Variants in SGCE observed in about 807,000 individuals in gnomAD.
SGCE encodes the protein sarcoglycan epsilon, also known as epsilon-sarcoglycan.
SGCE carries 26 observed loss-of-function variants against 57.8 expected under a neutral mutation model. The observed-to-expected ratio is 0.45, with a 90% CI of 0.33 to 0.62. SGCE has a LOEUF of 0.62. Among genes scored for constraint, SGCE ranks in the 20% least tolerant of loss-of-function variants. The probability of loss-of-function intolerance (pLI) is 0.02; values close to 1 mark genes in which losing one functional copy is unlikely to be tolerated. For missense variants in SGCE, 468 were observed against 548.6 expected, an observed-to-expected ratio of 0.85 and a Z score of 1.47; for synonymous variants, 183 against 189.5, an observed-to-expected ratio of 0.97 and a Z score of 0.28.
intron 5 of SGCE, among the ~76,000 whole-genome samples, chr7:94,608,383 G>C (rs1004184943): frequency 6.6e-6 from 1 of 152,130 alleles, no homozygotes; most frequent in Non-Finnish European, 1.5e-5. Flanking sequence ...TACAAGATCT[G>C]TATGAGGAAG....
intron 9 of SGCE, among the ~76,000 whole-genome samples, chr7:94,592,031 T>C (rs1342750082): frequency 1.3e-5 from 2 of 152,190 alleles, no homozygotes; most frequent in African/African-American, 2.4e-5. Flanking sequence ...AAAAAAATAC[T>C]GAGATTCAAC....
chr7:94,616,803 T>C (rs1353977924), intron 5 of SGCE: 1 of 152,224 alleles, frequency 6.6e-6, no homozygotes, highest in Non-Finnish European at 1.5e-5. Context: ...AGTGTTTGTA[T>C]ACAGACACAC....
chr7:94,629,713 A>G lies in SGCE; in HGVS notation c.232+6T>C. 6.2e-7 allele frequency: 1 copy of G among 1,610,870 alleles called. No homozygotes were observed. Among genetic ancestry groups the G allele is most frequent in the Non-Finnish European group, 8.5e-7 (1 of 1,177,566 alleles). On this transcript the variant is annotated splice_donor_region_variant and intron_variant, in intron 2 of 10. Transcript: ENST00000648936. ...AACTGCTTTTTTTTCCTCACAAAGA[A>G]CATACCAGGTTTTGGGTAAGGTGGA...
In SGCE at chr7:94,588,696, C is replaced by T. The variant is rs370115639; in HGVS notation, c.1290G>A (p.Gln430=). The change falls in exon 10 of 11, where the codon CAG becomes CAA. Residue 430 remains glutamine (Q), a synonymous_variant. Coordinates refer to ENST00000648936, the MANE Select transcript of SGCE (RefSeq NM_003919.3). The part of the protein sequence containing the change: ...LPHQTQIPQQ[Q]TTGKWYP ...ATTATTCTTAGCACTCACCTGTAGTCTGCTGTTGGGGAATCTGAGTCTGAT... is the reference window on the plus strand; with the variant it reads ...ATTATTCTTAGCACTCACCTGTAGTTTGCTGTTGGGGAATCTGAGTCTGAT... The T allele has an allele frequency of 6.2e-7, 1 of 1,600,604 alleles. No individual in the cohort carries two copies. Among genetic ancestry groups the T allele is most frequent in the African/African-American group, 1.3e-5 (1 of 74,618 alleles).
At chr7:94,642,470 C>T (rs1312741589) in intron 1 of SGCE, among the ~76,000 whole-genome samples, 1 of 152,098 alleles carries the variant, frequency 6.6e-6, no homozygotes, top group African/African-American at 2.4e-5. Context: ...AATACATATT[C>T]ACATGTACCC....
chr7:94,601,555 G>A lies in SGCE; in HGVS notation c.826-698C>T, dbSNP rs181592801. The stretch of plus-strand genomic sequence containing the variant: ...CTGAGTTGCATTTAATTATGCTAAG[G>A]TTTTTATTGAAGGACACTAAAAATA... On this transcript the variant is annotated intron_variant, in intron 6 of 10. Coordinates refer to ENST00000648936, the MANE Select transcript of SGCE (RefSeq NM_003919.3). Among the ~76,000 whole-genome samples, 22 of 148,954 alleles carry A rather than the reference G, an allele frequency of 1.5e-4. No individual in the cohort carries two copies. In the East Asian group the frequency reaches 4.1e-3, roughly 27 times the overall value.
chr7:94,585,499 T>G lies in SGCE; in HGVS notation c.1314A>C (p.Ter438CysextTer6), dbSNP rs1339034409. 3 of 1,606,352 alleles carry G rather than the reference T, an allele frequency of 1.9e-6. No individual in the cohort carries two copies. The South Asian group carries it at 3.3e-5, about 18-fold the overall frequency. The change falls in exon 11 of 11, where the codon TGA becomes TGC. Residue 438 changes from the stop codon to cysteine (C), a stop_lost. Transcript: ENST00000648936. ...CATTGCTTCAGTCAGTTTTCTTTCTTCAGGGATACCATTTACCTGCAATGT... is the reference window on the plus strand; with the variant it reads ...CATTGCTTCAGTCAGTTTTCTTTCTGCAGGGATACCATTTACCTGCAATGT... Reference protein sequence around the residue: ...QQQTTGKWYP* With the variant: ...QQQTTGKWYPC
intron 1 of SGCE, among the ~76,000 whole-genome samples, chr7:94,646,876 T>C (rs993939905): frequency 6.6e-6 from 1 of 152,222 alleles, no homozygotes; most frequent in Non-Finnish European, 1.5e-5. Context: ...CATTGTACTA[T>C]ACTTTCCAAT....
intron 9 of SGCE, among the ~76,000 whole-genome samples, chr7:94,595,242 A>T (rs1584504510): frequency 6.6e-6 from 1 of 152,194 alleles, no homozygotes; most frequent in East Asian, 1.9e-4. Flanking sequence ...GCAGCCATTC[A>T]TTACATAACA....
Position 94,598,885 on chromosome 7 carries a change from T to C in SGCE, c.1143A>G (p.Ala381=), listed in dbSNP as rs1272859756. The change falls in exon 9 of 11, where the codon GCA becomes GCG. Residue 381 remains alanine (A), a synonymous_variant. Transcript: ENST00000648936. ...LRDMSKNREI[A]WPLSTLPVFH... The stretch of plus-strand genomic sequence containing the variant: ...ACACAGGAAGCGTTGACAGGGGCCA[T>C]GCTATCTCTCTATTCTTGGACATGT... The C allele has an allele frequency of 1.2e-6, 2 of 1,613,586 alleles. No individual in the cohort carries two copies. The highest frequency in any genetic ancestry group is 1.7e-6 in the Non-Finnish European group (2 of 1,179,514).
At chr7:94,639,393 T>G (rs768630572) in intron 1 of SGCE, 6 of 1,535,790 alleles carry the variant, frequency 3.9e-6, no homozygotes, top group Non-Finnish European at 5.2e-6. Flanking sequence ...TGTTGGCCTG[T>G]CTGGTCTTCC....
intron 1 of SGCE, among the ~76,000 whole-genome samples, chr7:94,651,945 T>A (rs75475206): frequency 6.6e-6 from 1 of 152,120 alleles, no homozygotes; most frequent in Admixed American, 6.5e-5. Flanking sequence ...TTATTTTTTT[T>A]TTTTGTTTCT....
chr7:94,652,183 A>G (rs754204605), intron 1 of SGCE, among the ~76,000 whole-genome samples: 5 of 152,190 alleles, frequency 3.3e-5, no homozygotes, highest in Non-Finnish European at 7.3e-5. Context: ...TCTCCCCTCC[A>G]GCCCAAGAAT....
chr7:94,614,292 G>A (rs775290596), intron 5 of SGCE, among the ~76,000 whole-genome samples: 1 of 151,742 alleles, frequency 6.6e-6, no homozygotes, highest in Non-Finnish European at 1.5e-5. Context: ...ATGCTATTGG[G>A]TCCCCTAAAA....
intron 6 of SGCE, among the ~76,000 whole-genome samples, chr7:94,601,464 A>AAAAC (rs1799241135): frequency 9.1e-6 from 1 of 109,708 alleles, no homozygotes; most frequent in African/African-American, 2.8e-5. Flanking sequence ...AAAAAAAAAA[A>AAAAC]AAAAAAAAAA....
At chr7:94,610,603 T>C (rs1268335398) in intron 5 of SGCE, among the ~76,000 whole-genome samples, 1 of 152,156 alleles carries the variant, frequency 6.6e-6, no homozygotes, top group East Asian at 1.9e-4. Context: ...TAGGCAATGA[T>C]TCTTAAAATA....
At chr7:94,588,484 C>A in intron 10 of SGCE, 1 of 1,392,360 alleles carries the variant, frequency 7.2e-7, no homozygotes, top group African/African-American at 1.5e-5. Context: ...GCTCTAAGAT[C>A]ATTTACCCTG....
At chr7:94,615,383 TAGATAG>T (rs1801747190) in intron 5 of SGCE, among the ~76,000 whole-genome samples, 3 of 145,430 alleles carry the variant, frequency 2.1e-5, no homozygotes, top group African/African-American at 7.8e-5. Context: ...GATAGATAGA[TAGATAG>T]ATAGATAGAT....
Position 94,614,504 on chromosome 7 carries a change from T to C in SGCE, c.662+4254A>G, listed in dbSNP as rs79363799. Among the ~76,000 whole-genome samples, 42 of 152,314 alleles carry C rather than the reference T, an allele frequency of 2.8e-4. No homozygotes were observed. The East Asian group carries it at 7.5e-3, about 27-fold the overall frequency. On this transcript the variant is annotated intron_variant, in intron 5 of 10. Transcript: ENST00000648936. ...TGCCCCTTCTGGATCTCTTTCTCCA[T>C]TTCCACACTAAGTAGAGTTCTGAAT...
Sources: allele counts gnomAD v4.1 joint callset (sites outside exome capture counted in the v4.1 genomes callset), GRCh38; gene constraint gnomAD v4.1.1; transcripts MANE v1.5; gene names NCBI Gene and HGNC (gene_info 2026-07-23, HGNC 2026-07-21).